The following FCHSD2 variants were observed in gnomAD, a reference collection of about 807,000 sequenced individuals.
FCHSD2 encodes F-BAR and double SH3 domains protein 2.
Under a neutral mutation model 108.1 loss-of-function variants are expected in FCHSD2, and 38 were observed. The ratio of observed to expected loss-of-function variants is 0.35; its 90% CI spans 0.27 to 0.46. The LOEUF (loss-of-function observed/expected upper bound fraction) is 0.46. Ranked by LOEUF, FCHSD2 falls within the 20% of genes least tolerant of loss-of-function variation. The pLI is 1.00. For missense variants in FCHSD2, 751 were observed against 897.8 expected, an observed-to-expected ratio of 0.84 and a Z score of 2.09; for synonymous variants, 279 against 314.7, an observed-to-expected ratio of 0.89 and a Z score of 1.20.
intron 4 of FCHSD2, among the ~76,000 whole-genome samples, chr11:73,003,468 T>C (rs1391363546): frequency 2.6e-5 from 4 of 151,682 alleles, no homozygotes; most frequent in African/African-American, 9.7e-5. Flanking sequence ...TAAGGAAAAA[T>C]AATCATAGGT....
At chr11:73,016,120 T>C (rs920159809) in intron 3 of FCHSD2, among the ~76,000 whole-genome samples, 4 of 152,048 alleles carry the variant, frequency 2.6e-5, no homozygotes, top group African/African-American at 9.7e-5. Context: ...TTGGCCAACA[T>C]GGTGAAAATC....
chr11:72,932,165 T>C (rs1311928185), intron 8 of FCHSD2, among the ~76,000 whole-genome samples: 1 of 152,122 alleles, frequency 6.6e-6, no homozygotes, highest in Admixed American at 6.5e-5. Flanking sequence ...CCAAATCTTA[T>C]TGATTCCACT....
At chr11:73,050,785 T>C (rs1326204027) in intron 3 of FCHSD2, among the ~76,000 whole-genome samples, 1 of 152,144 alleles carries the variant, frequency 6.6e-6, no homozygotes, top group Non-Finnish European at 1.5e-5. Flanking sequence ...ATACAGCAAA[T>C]GAAAACTATA....
chr11:73,073,149 T>C lies in FCHSD2; in HGVS notation c.165+10546A>G, dbSNP rs116727324. ...ATTTCAGTTTGAGTACTGCAAATGA[T>C]TTTACCAACACCTCAGTGGTTAGCT... On this transcript the variant is annotated intron_variant, in intron 3 of 19. Transcript: ENST00000409418. Among the ~76,000 whole-genome samples, 723 of 152,342 alleles carry C rather than the reference T, an allele frequency of 4.7e-3. 5 individuals are homozygous for C. Among genetic ancestry groups the C allele is most frequent in the African/African-American group, 0.017 (701 of 41,588 alleles).
In FCHSD2 at chr11:73,014,274, T is replaced by C. The variant is rs11235633; in HGVS notation, c.242+1535A>G. On this transcript the variant is annotated intron_variant, in intron 4 of 19. Coordinates refer to ENST00000409418, the MANE Select transcript of FCHSD2 (RefSeq NM_014824.3). Reference sequence around the variant, plus strand: ...AGCCTCCTGAGTAGCTGGGACTACATGCACGTACCACCACACCCAGCTAAT... The same window carrying C: ...AGCCTCCTGAGTAGCTGGGACTACACGCACGTACCACCACACCCAGCTAAT... 2.0e-5 allele frequency among the ~76,000 whole-genome samples: 3 copies of C among 151,504 alleles called. No homozygotes were observed. In the East Asian group the frequency reaches 5.8e-4, roughly 29 times the overall value.
At chr11:73,129,163 G>A (rs1385784970) in intron 2 of FCHSD2, among the ~76,000 whole-genome samples, 4 of 152,132 alleles carry the variant, frequency 2.6e-5, no homozygotes, top group East Asian at 1.9e-4. Context: ...GAGCCACCGC[G>A]CCTGGCCAGA....
chr11:73,054,892 C>T (rs570731317), intron 3 of FCHSD2, among the ~76,000 whole-genome samples: 5 of 152,234 alleles, frequency 3.3e-5, no homozygotes, highest in African/African-American at 1.2e-4. Context: ...CTGCTTGAGA[C>T]CAAGAGGTTG....
At chr11:73,029,889 A>C (rs1182033540) in intron 3 of FCHSD2, among the ~76,000 whole-genome samples, 1 of 152,238 alleles carries the variant, frequency 6.6e-6, no homozygotes, top group Non-Finnish European at 1.5e-5. Flanking sequence ...GCTGATCCTC[A>C]GCATGGAGAC....
intron 13 of FCHSD2, among the ~76,000 whole-genome samples, chr11:72,853,530 T>A (rs1411146549): frequency 6.6e-6 from 1 of 152,164 alleles, no homozygotes; most frequent in Non-Finnish European, 1.5e-5. Flanking sequence ...TTCTCCTGCC[T>A]CAGCCTCCCA....
At chr11:72,975,685 CTCT>C (rs1857091610) in intron 8 of FCHSD2, among the ~76,000 whole-genome samples, 1 of 152,078 alleles carries the variant, frequency 6.6e-6, no homozygotes, top group Non-Finnish European at 1.5e-5. Flanking sequence ...TAATGTTTTT[CTCT>C]TCATTTGATC....
chr11:72,863,974 T>C (rs1256461578), intron 13 of FCHSD2, among the ~76,000 whole-genome samples: 1 of 152,258 alleles, frequency 6.6e-6, no homozygotes, highest in Admixed American at 6.5e-5. Context: ...AGCCAAAGCA[T>C]ATGATCTTAG....
At chr11:72,939,502 T>C (rs1337634324) in intron 8 of FCHSD2, among the ~76,000 whole-genome samples, 4 of 152,076 alleles carry the variant, frequency 2.6e-5, no homozygotes, top group Non-Finnish European at 5.9e-5. Flanking sequence ...TGTTAAAAGC[T>C]GCCTGTTTGA....
chr11:73,113,369 T>C (rs1860535403), intron 2 of FCHSD2, among the ~76,000 whole-genome samples: 1 of 127,516 alleles, frequency 7.8e-6, no homozygotes, highest in Non-Finnish European at 1.7e-5. Context: ...TTTTTTTTTT[T>C]TTTTTTTTTT....
intron 8 of FCHSD2, among the ~76,000 whole-genome samples, chr11:72,971,922 G>C (rs1191789022): frequency 2.6e-5 from 4 of 152,190 alleles, no homozygotes. Flanking sequence ...AAAAGTTTGG[G>C]AGGATAGAAA....
At chr11:72,978,044 A>G (rs1453367375) in intron 8 of FCHSD2, among the ~76,000 whole-genome samples, 1 of 152,182 alleles carries the variant, frequency 6.6e-6, no homozygotes, top group African/African-American at 2.4e-5. Flanking sequence ...CACCATTCTG[A>G]GCAAACTACA....
chr11:72,895,536 G>A lies in FCHSD2; in HGVS notation c.925-5591C>T, dbSNP rs143474930. On this transcript the variant is annotated intron_variant, in intron 10 of 19. Transcript: ENST00000409418. The stretch of plus-strand genomic sequence containing the variant: ...AGAGCTATAATCACAAGCTAGATAG[G>A]GGAACTTTCAGGCTCCTATTGTCAG... Among the ~76,000 whole-genome samples the A allele has an allele frequency of 7.2e-4, 110 of 152,198 alleles. No individual in the cohort carries two copies. The East Asian group carries it at 0.015, about 21-fold the overall frequency.
chr11:72,917,568 A>G (rs1325856436), intron 9 of FCHSD2, among the ~76,000 whole-genome samples: 1 of 152,150 alleles, frequency 6.6e-6, no homozygotes, highest in Non-Finnish European at 1.5e-5. Flanking sequence ...TAAACTATTC[A>G]TGGTCCCTTG....
At chr11:73,087,757 T>C (rs527959956) in intron 2 of FCHSD2, among the ~76,000 whole-genome samples, 4 of 152,198 alleles carry the variant, frequency 2.6e-5, no homozygotes, top group Non-Finnish European at 5.9e-5. Context: ...AAGTGTATAG[T>C]GTAATAAATA....
At chr11:72,840,774 G>C in intron 19 of FCHSD2, 103 bp downstream of exon 19, 1 of 801,384 alleles carries the variant, frequency 1.2e-6, no homozygotes, top group Middle Eastern at 2.3e-4. Flanking sequence ...ATCCTTGTTT[G>C]GCATAGTCAG....
Sources: allele counts gnomAD v4.1 joint callset (sites outside exome capture counted in the v4.1 genomes callset), GRCh38; gene constraint gnomAD v4.1.1; transcripts MANE v1.5; gene names NCBI Gene and HGNC (gene_info 2026-07-23, HGNC 2026-07-21).